BCAP31: variants seen among roughly 807,000 people sequenced by gnomAD.
The protein encoded by BCAP31 is B cell receptor associated protein 31, also known as B-cell receptor-associated protein 31.
For missense variants in BCAP31, 124 were observed against 193.0 expected (o/e 0.64, Z 2.12); for synonymous variants, 75 against 80.9 (o/e 0.93, Z 0.39).
In BCAP31 at chrX:153,717,802, G is replaced by A. The variant is rs145517244; in HGVS notation, c.194-2113C>T. ...AAATCTGCCCATCCCTCAGCACCAC[G>A]AAGCGAGTACTCTCAAACGCTGTTA... is the stretch of plus-strand genomic sequence containing the variant. On this transcript the variant is annotated intron_variant, in intron 3 of 7. Transcript: ENST00000345046. 4.3e-3 allele frequency among the ~76,000 whole-genome samples: 479 copies of A among 112,238 alleles called. 3 individuals are homozygous for A. Among genetic ancestry groups the A allele is most frequent in the African/African-American group, 0.014 (435 of 30,916 alleles).
chrX:153,719,751 T>C (rs1330938779), intron 3 of BCAP31, among the ~76,000 whole-genome samples: 2 of 111,161 alleles, frequency 1.8e-5, no homozygotes, highest in African/African-American at 6.5e-5. Context: ...GACATATCGA[T>C]CACTTACCAC....
In BCAP31 at chrX:153,702,823, C is replaced by T. The variant is rs1434843461; in HGVS notation, c.601+112G>A. On this transcript the variant is annotated intron_variant, in intron 6 of 7. Coordinates refer to ENST00000345046, the MANE Select transcript of BCAP31 (RefSeq NM_001256447.2). ...TATTGGTCTGTTTTCAGCCAGCCCTCGAGCGTGCGTGCAAGGCTTGTTACT... is the reference window on the plus strand; with the variant it reads ...TATTGGTCTGTTTTCAGCCAGCCCTTGAGCGTGCGTGCAAGGCTTGTTACT... The T allele has an allele frequency of 1.9e-4, 199 of 1,062,160 alleles. No homozygotes were observed. In the Middle Eastern group the frequency reaches 2.2e-3, roughly 12 times the overall value. 87.5% of individuals were successfully genotyped at this position (1,062,160 alleles called of 1,213,427 possible).
intron 6 of BCAP31, chrX:153,702,356 A>G (rs1179157932): frequency 3.2e-6 from 1 of 311,077 alleles, no homozygotes; most frequent in Non-Finnish European, 5.6e-6. Context: ...TTTAATGGAG[A>G]GGAACTCTAG....
At chrX:153,703,288 G>A (rs1339403301) in intron 5 of BCAP31, among the ~76,000 whole-genome samples, 1 of 113,387 alleles carries the variant, frequency 8.8e-6, no homozygotes, top group Non-Finnish European at 1.9e-5. Context: ...GCTGCAGCTC[G>A]CCGGGCACGC....
At chrX:153,716,528 G>A (rs1392618000) in intron 3 of BCAP31, among the ~76,000 whole-genome samples, 2 of 99,386 alleles carry the variant, frequency 2.0e-5, no homozygotes, top group African/African-American at 7.8e-5. Flanking sequence ...ACTGCTTGAG[G>A]CCAACGAGTT....
intron 2 of BCAP31, among the ~76,000 whole-genome samples, chrX:153,721,404 C>G (rs1260513589): frequency 9.8e-6 from 1 of 101,631 alleles, no homozygotes; most frequent in African/African-American, 3.7e-5. Flanking sequence ...CCACTGCACT[C>G]CAGCCTGGGT....
At chrX:153,716,942 G>A (rs1327399212) in intron 3 of BCAP31, among the ~76,000 whole-genome samples, 1 of 112,715 alleles carries the variant, frequency 8.9e-6, no homozygotes, top group Non-Finnish European at 1.9e-5. Flanking sequence ...CCAAAATGTA[G>A]AAACGGAAAG....
intron 7 of BCAP31, among the ~76,000 whole-genome samples, 181 bp downstream of exon 7, chrX:153,701,826 G>A (rs1310739882): frequency 2.7e-5 from 3 of 113,004 alleles, no homozygotes; most frequent in Non-Finnish European, 5.6e-5. Flanking sequence ...TACATCTGCT[G>A]CCAGGCCACC....
chrX:153,724,176 G>C (rs2091691141), intron 1 of BCAP31, 158 bp downstream of exon 1: 7 of 242,004 alleles, frequency 2.9e-5, no homozygotes, highest in South Asian at 2.2e-4. Flanking sequence ...GCGCCGCCCG[G>C]TTTCCCCTCG....
At chrX:153,701,977 C>T (rs1557047428) in intron 7 of BCAP31, 30 bp downstream of exon 7, 2 of 1,191,348 alleles carry the variant, frequency 1.7e-6, no homozygotes, top group South Asian at 3.6e-5. Flanking sequence ...TGCTCTCCTG[C>T]CCTGGGCGCA....
intron 5 of BCAP31, among the ~76,000 whole-genome samples, chrX:153,703,402 G>A (rs1336548073): frequency 3.5e-5 from 4 of 113,093 alleles, no homozygotes; most frequent in Admixed American, 9.3e-5. Flanking sequence ...CACAGATGGC[G>A]GTGCCTCGTG....
chrX:153,704,647 T>C (rs2091542534), intron 4 of BCAP31, among the ~76,000 whole-genome samples: 1 of 111,790 alleles, frequency 8.9e-6, no homozygotes, highest in African/African-American at 3.3e-5. Flanking sequence ...ATGGCTGGAA[T>C]TCCAAATTAT....
rs1310531076 is a variant in BCAP31 at position 153,703,124 on chromosome X, T to C, written c.478-66A>G. ...GGAGGGAGAGGTTCCAGCCCCATCC[T>C]CCCCACCGAGCTGCGGTTCCTCAAG... On this transcript the variant is annotated intron_variant, in intron 5 of 7. Transcript: ENST00000345046. The C allele has an allele frequency of 1.0e-5, 12 of 1,176,962 alleles. No homozygotes were observed. In the South Asian group the frequency reaches 2.2e-4, roughly 22 times the overall value.
At chrX:153,721,498 T>TC (rs2091666377) in intron 2 of BCAP31, among the ~76,000 whole-genome samples, 2 of 92,134 alleles carry the variant, frequency 2.2e-5, no homozygotes, top group Non-Finnish European at 4.4e-5. Context: ...AAAACTAATC[T>TC]TTTTTTTTTT....
At chrX:153,710,160 G>A (rs1436012036) in intron 4 of BCAP31, among the ~76,000 whole-genome samples, 2 of 111,886 alleles carry the variant, frequency 1.8e-5, no homozygotes, top group Non-Finnish European at 3.8e-5. Context: ...TTCATGACAG[G>A]GGGAGGCCGA....
chrX:153,710,199 G>A (rs1277582940), intron 4 of BCAP31, among the ~76,000 whole-genome samples: 11 of 111,908 alleles, frequency 9.8e-5, no homozygotes, highest in Non-Finnish European at 2.1e-4. Flanking sequence ...GCCGCGTCCT[G>A]GAGGATCCAT....
Position 153,721,111 on chromosome X carries a change from G to A in BCAP31, c.93-139C>T, listed in dbSNP as rs2091662276. 1.6e-5 allele frequency: 8 copies of A among 487,196 alleles called. No homozygotes were observed. The South Asian group carries it at 2.7e-4, about 16-fold the overall frequency. The allele number at this position is 487,196 out of a possible 1,213,427, so 40.2% of individuals were successfully genotyped here. On this transcript the variant is annotated intron_variant, in intron 2 of 7. Transcript: ENST00000345046. ...CATGCAAAGTCAGCCTCAGTGGCTT[G>A]CAATTCTCTAATTTGACATCCATTC...
chrX:153,723,552 C>T lies in BCAP31; in HGVS notation c.-44-264G>A. 3 of 1,168,194 alleles carry T rather than the reference C, an allele frequency of 2.6e-6. No homozygotes were observed. In the Admixed American group the frequency reaches 7.7e-5, roughly 30 times the overall value. On this transcript the variant is annotated intron_variant, in intron 1 of 7. Transcript: ENST00000345046. ...TGTCAACACGTCCAGAGCGGCCTCT[C>T]CCGACGATCCCTGCCCCAGGAAGCC... is the stretch of plus-strand genomic sequence containing the variant.
intron 1 of BCAP31, chrX:153,723,523 C>T (rs1486547418): frequency 2.6e-6 from 3 of 1,164,388 alleles, no homozygotes; most frequent in African/African-American, 1.8e-5. Context: ...CCCTCCAGCA[C>T]GTGTGTCAAC....
Sources: gnomAD v4.1 joint callset for allele counts (sites outside exome capture counted in the v4.1 genomes callset) on GRCh38, gnomAD v4.1.1 for gene constraint, MANE v1.5 for transcripts, NCBI Gene and HGNC (gene_info 2026-07-23, HGNC 2026-07-21) for gene names.